Variants in CAPN9 observed in about 807,000 individuals in gnomAD.
CAPN9 encodes calpain-9.
A neutral mutation model predicts 92.8 loss-of-function variants in CAPN9; 81 were observed. That is an observed-to-expected ratio of 0.87 (90% confidence interval 0.73 to 1.05). CAPN9 has a LOEUF of 1.05. Ranked by LOEUF, CAPN9 falls within the 50% of genes least tolerant of loss-of-function variation. CAPN9 has a pLI of 0.00. For missense variants in CAPN9, 848 were observed against 866.2 expected (o/e 0.98, Z 0.26); for synonymous variants, 304 against 328.0 (o/e 0.93, Z 0.79).
At chr1:230,795,955 G>T (rs1371412914) in intron 18 of CAPN9, among the ~76,000 whole-genome samples, 1 of 151,050 alleles carries the variant, frequency 6.6e-6, no homozygotes, top group East Asian at 2.0e-4. Flanking sequence ...AGGGGGCCCC[G>T]CATTTCCATT....
intron 4 of CAPN9, among the ~76,000 whole-genome samples, 200 bp from the exon 5 acceptor site, chr1:230,767,341 C>G (rs1033077132): frequency 1.3e-5 from 2 of 152,172 alleles, no homozygotes; most frequent in African/African-American, 4.8e-5. Flanking sequence ...GCCTCCCTTG[C>G]AGGAAGGTCA....
At chr1:230,767,940 C>T (rs1489935862) in intron 5 of CAPN9, among the ~76,000 whole-genome samples, 1 of 151,308 alleles carries the variant, frequency 6.6e-6, no homozygotes, top group East Asian at 1.9e-4. Context: ...GTGCAGCACA[C>T]CAACATGGCA....
intron 17 of CAPN9, among the ~76,000 whole-genome samples, chr1:230,794,834 C>T (rs13375594): frequency 0.01 from 1,560 of 152,310 alleles, 27 homozygotes; most frequent in African/African-American, 0.035. Flanking sequence ...CCAAACAAAG[C>T]TTCCTGTAAA....
At position 230,772,025 on chromosome 1, in the gene CAPN9, A is replaced by G; in HGVS notation, c.801A>G (p.Arg267=). ...CTTTTCCCTTCTAGGTAAGCTTCCG[A>G]GGCCAGAGAATCGAGCTCATCCGAA... The part of the protein sequence containing the change: ...SVTGIDQVSF[R]GQRIELIRIR... Residue 267 remains arginine (R), a synonymous_variant, in exon 7 of 20, where the codon CGA becomes CGG. Coordinates refer to ENST00000271971, the MANE Select transcript of CAPN9 (RefSeq NM_006615.3). 1 of 1,614,142 alleles carries G rather than the reference A, an allele frequency of 6.2e-7. No individual in the cohort carries two copies. The highest frequency in any genetic ancestry group is 8.5e-7 in the Non-Finnish European group (1 of 1,179,972).
chr1:230,800,220 TAAGAAAGAAAG>T (rs1477906910), intron 19 of CAPN9, among the ~76,000 whole-genome samples: 1 of 23,098 alleles, frequency 4.3e-5, no homozygotes, highest in East Asian at 7.6e-4. Flanking sequence ...GAAAGAAAAA[TAAGAAAGAAAG>T]AAGAAAGAAA....
intron 6 of CAPN9, 125 bp from the exon 7 acceptor site, chr1:230,771,889 A>T: frequency 2.7e-6 from 2 of 745,520 alleles, no homozygotes; most frequent in Non-Finnish European, 4.7e-6. Context: ...GCAGCATTTT[A>T]GGCAAGAGAC....
chr1:230,755,581 C>T (rs1295795323), intron 2 of CAPN9, among the ~76,000 whole-genome samples, 175 bp downstream of exon 2: 1 of 152,226 alleles, frequency 6.6e-6, no homozygotes, highest in African/African-American at 2.4e-5. Flanking sequence ...CAAGCCCCTG[C>T]ACCTCCGTTC....
intron 14 of CAPN9, among the ~76,000 whole-genome samples, chr1:230,791,126 A>G (rs1441518144): frequency 2.0e-5 from 3 of 151,880 alleles, no homozygotes; most frequent in East Asian, 1.9e-4. Context: ...TCATTCATCT[A>G]TTGGTGGCCA....
At chr1:230,789,874 C>T (rs1278339326) in intron 13 of CAPN9, among the ~76,000 whole-genome samples, 1 of 152,170 alleles carries the variant, frequency 6.6e-6, no homozygotes, top group African/African-American at 2.4e-5. Context: ...CCCTGCCCAG[C>T]TTTTCATGCG....
intron 19 of CAPN9, 25 bp from the exon 20 acceptor site, chr1:230,801,545 C>G: frequency 6.2e-7 from 1 of 1,612,944 alleles, no homozygotes. Context: ...ACAACGACCC[C>G]TCATCTCTCT....
intron 16 of CAPN9, 111 bp downstream of exon 16, chr1:230,792,605 C>CGG: frequency 1.1e-6 from 1 of 900,012 alleles, no homozygotes; most frequent in Non-Finnish European, 1.9e-6. Context: ...GAATTGTATT[C>CGG]GGACAGGGGA....
intron 2 of CAPN9, among the ~76,000 whole-genome samples, chr1:230,756,559 A>T (rs891262729): frequency 1.2e-4 from 18 of 152,226 alleles, no homozygotes; most frequent in Non-Finnish European, 4.4e-5. Context: ...ACGGAATTAC[A>T]GTTGACCCTT....
At chr1:230,758,044 A>G (rs2102843945) in intron 2 of CAPN9, among the ~76,000 whole-genome samples, 1 of 152,294 alleles carries the variant, frequency 6.6e-6, no homozygotes, top group Middle Eastern at 3.4e-3. Flanking sequence ...CTGGGTGGCC[A>G]GCCCCATCCA....
chr1:230,790,334 T>C, intron 14 of CAPN9, 145 bp downstream of exon 14: 1 of 1,387,938 alleles, frequency 7.2e-7, no homozygotes, highest in Admixed American at 3.2e-5. Flanking sequence ...GCTTTCATTG[T>C]TTGTTTTCCT....
chr1:230,774,301 C>T (rs193161400), intron 7 of CAPN9, among the ~76,000 whole-genome samples: 6 of 152,338 alleles, frequency 3.9e-5, no homozygotes, highest in East Asian at 1.9e-4. Context: ...TCTTCCATGT[C>T]GGTGGTTCAG....
intron 4 of CAPN9, among the ~76,000 whole-genome samples, chr1:230,763,614 C>G (rs1369257855): frequency 6.6e-6 from 1 of 152,170 alleles, no homozygotes; most frequent in Non-Finnish European, 1.5e-5. Context: ...GATGGCAGAG[C>G]TCCTGGGAGC....
At chr1:230,801,471 A>G in intron 19 of CAPN9, 99 bp from the exon 20 acceptor site, 1 of 1,088,966 alleles carries the variant, frequency 9.2e-7, no homozygotes, top group Non-Finnish European at 1.4e-6. Flanking sequence ...CAAATAGCAG[A>G]TCTCCTGTGA....
At chr1:230,798,134 G>A (rs1668465996) in intron 18 of CAPN9, 28 bp from the exon 19 acceptor site, 2 of 1,538,276 alleles carry the variant, frequency 1.3e-6, no homozygotes, top group Non-Finnish European at 1.8e-6. Flanking sequence ...TCTTTAAAAG[G>A]ATGCCTTTCC....
chr1:230,791,903 G>A lies in CAPN9; in HGVS notation c.1697G>A (p.Cys566Tyr), dbSNP rs559171344. Reference protein sequence around the residue: ...IKFKKLSLISCKNIISLMDTS... With the variant: ...IKFKKLSLISYKNIISLMDTS... ...TTCAAGAAGCTAAGCCTGATCTCCT[G>A]TAAAAACATCATTTCCCTGATGGAC... The change falls in exon 15 of 20, where the codon TGT becomes TAT. Residue 566 changes from cysteine (C) to tyrosine (Y), a missense_variant. Coordinates refer to ENST00000271971, the MANE Select transcript of CAPN9 (RefSeq NM_006615.3). The A allele has an allele frequency of 1.2e-6, 2 of 1,613,448 alleles. No homozygotes were observed. Among genetic ancestry groups the A allele is most frequent in the East Asian group, 2.2e-5 (1 of 44,876 alleles).
Sources: gnomAD v4.1 joint callset for allele counts (sites outside exome capture counted in the v4.1 genomes callset) on GRCh38, gnomAD v4.1.1 for gene constraint, MANE v1.5 for transcripts, NCBI Gene and HGNC (gene_info 2026-07-23, HGNC 2026-07-21) for gene names.